ZNF558: variants seen among roughly 807,000 people sequenced by gnomAD.
The protein encoded by ZNF558 is zinc finger protein 558.
Under a neutral mutation model 37.6 loss-of-function variants are expected in ZNF558, and 23 were observed. That is an observed-to-expected ratio of 0.61 (90% CI 0.44 to 0.87). The LOEUF is 0.87. ZNF558 is among the 40% of genes least tolerant of loss of function. The pLI is 0.00. For synonymous variants in ZNF558, 189 were observed against 174.4 expected (o/e 1.08, Z -0.66); for missense variants, 429 against 483.7 (o/e 0.89, Z 1.06).
rs1352724720 is a variant in ZNF558 at position 8,832,241 on chromosome 19, C to T, written c.-625G>A. ...GGCCCCTCCCGCGGGGCCAAAAGCG[C>T]CGACTCGCGGGGACGGAGGGACTCG... On this transcript the variant is annotated 5_prime_UTR_variant, in exon 1 of 10. Transcript: ENST00000601372. 1 of 152,166 alleles carries T rather than the reference C, an allele frequency of 6.6e-6. No homozygotes were observed. Among genetic ancestry groups the T allele is most frequent in the Non-Finnish European group, 1.5e-5 (1 of 68,012 alleles). The allele number at this position is 152,166 out of a possible 1,614,324, so 9.4% of individuals were successfully genotyped here. A position where few individuals can be genotyped will look rare whatever the true frequency, so the allele number is the denominator to read the frequency against.
At chr19:8,816,351 T>C (rs992784360) in intron 7 of ZNF558, among the ~76,000 whole-genome samples, 8 of 152,088 alleles carry the variant, frequency 5.3e-5, no homozygotes, top group Non-Finnish European at 2.9e-5. Flanking sequence ...GCGTGAACCA[T>C]TGCAGCCGGC....
rs1181502775 is a variant in ZNF558, at chr19:8,822,078, C to A, written c.45G>T (p.Leu15=). Residue 15 remains leucine (L), a synonymous_variant, in exon 6 of 10, where the codon CTG becomes CTT. Coordinates refer to ENST00000601372, the MANE Select transcript of ZNF558 (RefSeq NM_144693.3). This position sits in a 1 kb window ranked among gnomAD's most constrained non-coding sequence, Gnocchi z 4.4. ...ILPSTAAPSS[L]FPASQQKGHT... ...GTCCTTTTTGCTGAGAGGCTGGGAA[C>A]AGGGAAGACGGAGCTGGAGGAGGAG... The A allele has an allele frequency of 2.0e-5, 32 of 1,613,994 alleles. No homozygotes were observed. The highest frequency in any genetic ancestry group is 2.5e-5 in the Non-Finnish European group (30 of 1,179,984).
In ZNF558 at chr19:8,810,153, C is replaced by CA. The variant is rs1347279104; in HGVS notation, c.*1127dup. On this transcript the variant is annotated 3_prime_UTR_variant, in exon 10 of 10. Coordinates refer to ENST00000601372, the MANE Select transcript of ZNF558 (RefSeq NM_144693.3). ...AAGTTTCCTAACAAATGTAGAAAAA[C>CA]AGAAAGCTCTCCAATATTGATGATG... 2 of 152,136 alleles carry CA rather than the reference C, an allele frequency of 1.3e-5. No individual in the cohort carries two copies. The highest frequency in any genetic ancestry group is 2.9e-5 in the Non-Finnish European group (2 of 68,024). The allele number at this position is 152,136 out of a possible 1,614,324, so 9.4% of individuals were successfully genotyped here.
chr19:8,822,208 AC>A lies in ZNF558; in HGVS notation c.32-118del. On this transcript the variant is annotated intron_variant, in intron 5 of 9. Transcript: ENST00000601372. The surrounding 1 kb of genome is among the most constrained non-coding windows in gnomAD (Gnocchi z 4.4). ...ACGGATGAGGCACCACACAGTGCCCACCTACGCTCCATGCAAACACCTACCC... is the reference window on the plus strand; with the variant it reads ...ACGGATGAGGCACCACACAGTGCCCACTACGCTCCATGCAAACACCTACCC... 8.1e-7 allele frequency: 1 copy of A among 1,235,078 alleles called. No homozygotes were observed. The allele number at this position is 1,235,078 out of a possible 1,614,324, so 76.5% of individuals were successfully genotyped here.
chr19:8,813,368 ATTTATTTTGAGATGGAGT>A, intron 7 of ZNF558, 146 bp from the exon 8 acceptor site: 1 of 642,476 alleles, frequency 1.6e-6, no homozygotes, highest in Non-Finnish European at 2.7e-6. Context: ...TCTTTTTTTT[ATTTATTTTGAGATGGAGT>A]CTTGCTCTGT....
At position 8,809,262 on chromosome 19, in the gene ZNF558, A is replaced by G. The variant is rs1308810709; in HGVS notation, c.*2019T>C. 6.6e-6 allele frequency: 1 copy of G among 152,228 alleles called. No individual in the cohort carries two copies. The highest frequency in any genetic ancestry group is 2.4e-5 in the African/African-American group (1 of 41,458). The allele number at this position is 152,228 out of a possible 1,614,324, so 9.4% of individuals were successfully genotyped here. On this transcript the variant is annotated 3_prime_UTR_variant, in exon 10 of 10. Transcript: ENST00000601372. ...TTGAGGCCACTTTCCAAGAGACAGA[A>G]TGGGTGAGGTGAATGGAAAATATGT...
At chr19:8,821,632 C>T in intron 6 of ZNF558, 1 of 1,325,570 alleles carries the variant, frequency 7.5e-7, no homozygotes, top group Non-Finnish European at 9.6e-7. Context: ...TTATTTCCCT[C>T]AATCTCCAGG....
At position 8,832,243 on chromosome 19, in the gene ZNF558, G is replaced by A. The variant is rs976954232; in HGVS notation, c.-627C>T. 1.3e-5 allele frequency: 2 copies of A among 152,046 alleles called. No individual in the cohort carries two copies. Among genetic ancestry groups the A allele is most frequent in the African/African-American group, 2.4e-5 (1 of 41,418 alleles). 9.4% of individuals were successfully genotyped at this position (152,046 alleles called of 1,614,324 possible). A position where few individuals can be genotyped will look rare whatever the true frequency, so the allele number is the denominator to read the frequency against. ...CCCCTCCCGCGGGGCCAAAAGCGCC[G>A]ACTCGCGGGGACGGAGGGACTCGCT... On this transcript the variant is annotated 5_prime_UTR_variant, in exon 1 of 10. Coordinates refer to ENST00000601372, the MANE Select transcript of ZNF558 (RefSeq NM_144693.3).
intron 2 of ZNF558, among the ~76,000 whole-genome samples, chr19:8,826,021 G>A (rs935223993): frequency 7.9e-5 from 12 of 152,270 alleles, no homozygotes; most frequent in Non-Finnish European, 1.2e-4. Context: ...AGAAGGGAGC[G>A]TGTGTGTAGC....
chr19:8,816,233 AT>A (rs991206886), intron 7 of ZNF558, among the ~76,000 whole-genome samples: 1 of 151,952 alleles, frequency 6.6e-6, no homozygotes, highest in East Asian at 1.9e-4. Flanking sequence ...CGTCTGACTA[AT>A]TTTTTAATTT....
intron 2 of ZNF558, among the ~76,000 whole-genome samples, chr19:8,828,935 C>G (rs1310314262): frequency 6.7e-6 from 1 of 149,632 alleles, no homozygotes; most frequent in African/African-American, 2.5e-5. Flanking sequence ...TGCACTCCAG[C>G]CTGGGTGACC....
At chr19:8,820,591 C>T (rs1473171535) in intron 7 of ZNF558, among the ~76,000 whole-genome samples, 1 of 136,940 alleles carries the variant, frequency 7.3e-6, no homozygotes, top group Non-Finnish European at 1.6e-5. Context: ...AAGCGATTCT[C>T]CTGCCTCAGC....
At chr19:8,832,828 T>G (rs926972215), upstream of ZNF558, among the ~76,000 whole-genome samples, 21 of 150,836 alleles carry the variant, frequency 1.4e-4, no homozygotes, top group African/African-American at 4.6e-4. Flanking sequence ...AGGCTGTGGT[T>G]GTGACAGCCC....
chr19:8,831,233 C>A (rs369752047), intron 2 of ZNF558, 85 bp downstream of exon 2: 1 of 152,160 alleles, frequency 6.6e-6, no homozygotes, highest in Non-Finnish European at 1.5e-5. Flanking sequence ...GTGGTTACAA[C>A]CCCAGCACAG....
At chr19:8,827,465 A>G (rs2044256828) in intron 2 of ZNF558, among the ~76,000 whole-genome samples, 2 of 150,894 alleles carry the variant, frequency 1.3e-5, no homozygotes, top group South Asian at 4.2e-4. Flanking sequence ...CTGGCCCACA[A>G]CTCTTTAGTG....
At chr19:8,830,525 T>C (rs2044326167) in intron 2 of ZNF558, among the ~76,000 whole-genome samples, 1 of 152,232 alleles carries the variant, frequency 6.6e-6, no homozygotes, top group Non-Finnish European at 1.5e-5. Flanking sequence ...TTTAAATTTG[T>C]TACTAATAAA....
intron 7 of ZNF558, among the ~76,000 whole-genome samples, chr19:8,817,025 T>C (rs536779505): frequency 6.6e-6 from 1 of 151,538 alleles, no homozygotes; most frequent in South Asian, 2.1e-4. Context: ...ACTAAAAAGA[T>C]TAAAAAGAAA....
upstream of ZNF558, among the ~76,000 whole-genome samples, chr19:8,834,132 C>T (rs902892783): frequency 6.6e-6 from 1 of 152,198 alleles, no homozygotes; most frequent in African/African-American, 2.4e-5. Flanking sequence ...TTGTTTCATG[C>T]ACCCGTCCTT....
In ZNF558 at chr19:8,811,167, G is replaced by A; in HGVS notation, c.*114C>T. The A allele has an allele frequency of 1.7e-6, 2 of 1,166,538 alleles. No homozygotes were observed. Among genetic ancestry groups the A allele is most frequent in the Non-Finnish European group, 2.4e-6 (2 of 846,094 alleles). The allele number at this position is 1,166,538 out of a possible 1,614,324, so 72.3% of individuals were successfully genotyped here. A position where few individuals can be genotyped will look rare whatever the true frequency, so the allele number is the denominator to read the frequency against. On this transcript the variant is annotated 3_prime_UTR_variant, in exon 10 of 10. Coordinates refer to ENST00000601372, the MANE Select transcript of ZNF558 (RefSeq NM_144693.3). The stretch of plus-strand genomic sequence containing the variant: ...CGTGTTTGAAGCCACAAAATTTGCG[G>A]GGATCATTTGTTATGCTGCAACAAA...
Sources: allele counts gnomAD v4.1 joint callset (sites outside exome capture counted in the v4.1 genomes callset), GRCh38; gene constraint gnomAD v4.1.1; non-coding constraint Gnocchi (gnomAD v3.1); transcripts MANE v1.5; gene names NCBI Gene and HGNC (gene_info 2026-07-23, HGNC 2026-07-21).